The following UBE2D3 variants were observed in gnomAD, a reference collection of about 807,000 sequenced individuals.
UBE2D3 encodes the protein ubiquitin conjugating enzyme E2 D3, also known as ubiquitin-conjugating enzyme E2 D3.
A neutral mutation model predicts 22.8 loss-of-function variants in UBE2D3; 2 were observed. The observed-to-expected ratio is 0.09, with a 90% CI of 0.04 to 0.28. UBE2D3 has a LOEUF of 0.28. Among genes scored for constraint, UBE2D3 ranks in the 10% least tolerant of loss-of-function variants. UBE2D3 has a pLI of 1.00. For missense variants in UBE2D3, 27 were observed against 182.5 expected, an observed-to-expected ratio of 0.15 and a Z score of 4.91; for synonymous variants, 56 against 60.4, an observed-to-expected ratio of 0.93 and a Z score of 0.34.
At chr4:102,830,370 G>T (rs1368524191), upstream of UBE2D3, among the ~76,000 whole-genome samples, 2 of 151,822 alleles carry the variant, frequency 1.3e-5, no homozygotes, top group Non-Finnish European at 2.9e-5. Context: ...ATGCTAACAA[G>T]AAAAAAATTA....
At chr4:102,819,526 CAT>C in intron 2 of UBE2D3, 1 of 982,660 alleles carries the variant, frequency 1.0e-6, no homozygotes, top group Non-Finnish European at 1.2e-6. Flanking sequence ...ATCAGATCAA[CAT>C]AACCAAAAGG....
In UBE2D3 at chr4:102,794,896, T is replaced by G. The variant is rs1725116414; in HGVS notation, c.*2519A>C. On this transcript the variant is annotated 3_prime_UTR_variant, in exon 8 of 8. Coordinates refer to ENST00000453744, the MANE Select transcript of UBE2D3 (RefSeq NM_181891.3). ...CTAATTCGGTTTATGCATTAAAAGA[T>G]TTAGGAAATACAAAGACATAGTCAA... 6.6e-6 allele frequency: 1 copy of G among 152,060 alleles called. No homozygotes were observed. The highest frequency in any genetic ancestry group is 6.6e-5 in the Admixed American group (1 of 15,250). 9.4% of individuals were successfully genotyped at this position (152,060 alleles called of 1,614,324 possible).
chr4:102,845,983 G>A (rs565208666), intron 1 of UBE2D3, among the ~76,000 whole-genome samples: 2 of 152,218 alleles, frequency 1.3e-5, no homozygotes, highest in East Asian at 3.9e-4. Flanking sequence ...TAGAGATGGG[G>A]TTTCACCCTG....
intron 1 of UBE2D3, chr4:102,827,176 G>A: frequency 1.0e-6 from 1 of 986,998 alleles, no homozygotes; most frequent in Non-Finnish European, 1.2e-6. Flanking sequence ...GCGCTCCCGC[G>A]CGCGCCCGCC....
At chr4:102,868,624 G>A (rs758501277) in intron 1 of UBE2D3, 9 of 1,548,768 alleles carry the variant, frequency 5.8e-6, no homozygotes, top group Non-Finnish European at 8.0e-6. Context: ...GATACTCATG[G>A]GCGAGTATGC....
chr4:102,821,879 C>T (rs1729674537), intron 2 of UBE2D3, among the ~76,000 whole-genome samples: 1 of 152,130 alleles, frequency 6.6e-6, no homozygotes, highest in Admixed American at 6.5e-5. Context: ...GTAAGCTCTT[C>T]TATACGCTAA....
intron 2 of UBE2D3, among the ~76,000 whole-genome samples, chr4:102,820,222 CTATAAAG>C (rs1468903315): frequency 6.6e-6 from 1 of 152,068 alleles, no homozygotes; most frequent in Non-Finnish European, 1.5e-5. Context: ...ATCTGGTTTA[CTATAAAG>C]TTTTATTAAC....
intron 7 of UBE2D3, chr4:102,798,789 C>A (rs1578215360): frequency 3.0e-6 from 2 of 667,840 alleles, no homozygotes; most frequent in African/African-American, 3.7e-5. Context: ...TAAACAGAGA[C>A]CAAGCAGTTA....
At chr4:102,855,616 G>T (rs950209089) in intron 1 of UBE2D3, among the ~76,000 whole-genome samples, 2 of 152,040 alleles carry the variant, frequency 1.3e-5, no homozygotes, top group African/African-American at 4.8e-5. Context: ...TAGAGACGAG[G>T]TCTTGCAACG....
intron 1 of UBE2D3, among the ~76,000 whole-genome samples, chr4:102,836,642 A>G (rs1470350371): frequency 1.3e-5 from 2 of 152,206 alleles, no homozygotes; most frequent in Admixed American, 6.5e-5. Flanking sequence ...ATGGTCCCAC[A>G]AGCTATGTAT....
chr4:102,833,933 G>A (rs187912281), intron 1 of UBE2D3, among the ~76,000 whole-genome samples: 177 of 152,290 alleles, frequency 1.2e-3, no homozygotes, highest in African/African-American at 4.2e-3. Flanking sequence ...AATTCCCGTG[G>A]CTCAGGGCAA....
At chr4:102,820,831 G>C (rs1160502282) in intron 2 of UBE2D3, among the ~76,000 whole-genome samples, 1 of 152,132 alleles carries the variant, frequency 6.6e-6, no homozygotes, top group African/African-American at 2.4e-5. Context: ...TTACAGCAAG[G>C]TTAGGATTAA....
At chr4:102,808,157 A>G (rs1727361465) in intron 4 of UBE2D3, among the ~76,000 whole-genome samples, 1 of 152,224 alleles carries the variant, frequency 6.6e-6, no homozygotes, top group Non-Finnish European at 1.5e-5. Flanking sequence ...GAATTGACCT[A>G]GTAGGCACTG....
chr4:102,849,867 T>G (rs1235877327), intron 1 of UBE2D3, among the ~76,000 whole-genome samples: 1 of 152,118 alleles, frequency 6.6e-6, no homozygotes, highest in African/African-American at 2.4e-5. Flanking sequence ...GGGTAAAGTT[T>G]CCATAAACTT....
At chr4:102,817,884 C>T (rs944147622) in intron 2 of UBE2D3, among the ~76,000 whole-genome samples, 9 of 152,126 alleles carry the variant, frequency 5.9e-5, no homozygotes, top group South Asian at 2.1e-4. Flanking sequence ...ATTTTGTCTA[C>T]GATAGTCACC....
chr4:102,861,683 C>T (rs1732905062), intron 1 of UBE2D3, among the ~76,000 whole-genome samples: 1 of 151,660 alleles, frequency 6.6e-6, no homozygotes, highest in African/African-American at 2.4e-5. Flanking sequence ...ATTTCTAAGG[C>T]AAAAAAGATG....
At chr4:102,802,458 C>CAT (rs759604914) in intron 5 of UBE2D3, 103 bp downstream of exon 5, 32 of 888,468 alleles carry the variant, frequency 3.6e-5, no homozygotes, top group East Asian at 1.4e-4. Context: ...TGCAATTCAA[C>CAT]ATATATATAC....
intron 2 of UBE2D3, chr4:102,819,508 A>G: frequency 1.1e-6 from 1 of 948,646 alleles, no homozygotes; most frequent in Non-Finnish European, 1.3e-6. Context: ...GACAGCCAGT[A>G]TCTGTTCATC....
chr4:102,819,106 G>A (rs544399297), intron 2 of UBE2D3, among the ~76,000 whole-genome samples: 1 of 152,052 alleles, frequency 6.6e-6, no homozygotes, highest in Non-Finnish European at 1.5e-5. Context: ...CAAGGCAGGC[G>A]GATCACCTGA....
Sources: allele counts gnomAD v4.1 joint callset (sites outside exome capture counted in the v4.1 genomes callset), GRCh38; gene constraint gnomAD v4.1.1; transcripts MANE v1.5; gene names NCBI Gene and HGNC (gene_info 2026-07-23, HGNC 2026-07-21).